Variants in GPD2 observed in about 807,000 individuals in gnomAD.
GPD2 encodes the protein glycerol-3-phosphate dehydrogenase, mitochondrial.
A neutral mutation model predicts 82.4 loss-of-function variants in GPD2; 54 were observed. That is an observed-to-expected ratio of 0.66 (90% CI 0.53 to 0.82). GPD2 has a LOEUF of 0.82. Ranked by LOEUF, GPD2 falls within the 40% of genes least tolerant of loss-of-function variation. GPD2 has a pLI of 0.00. For missense variants in GPD2, 748 were observed against 896.2 expected (o/e 0.83, Z 2.11); for synonymous variants, 288 against 306.1 (o/e 0.94, Z 0.62).
At chr2:156,537,998 A>C (rs1054919043) in intron 6 of GPD2, among the ~76,000 whole-genome samples, 1 of 152,256 alleles carries the variant, frequency 6.6e-6, no homozygotes, top group Non-Finnish European at 1.5e-5. Flanking sequence ...ATATGGCAAT[A>C]GCATCTAGCA....
intron 1 of GPD2, among the ~76,000 whole-genome samples, chr2:156,448,196 C>A (rs143458822): frequency 2.6e-5 from 4 of 152,056 alleles, no homozygotes; most frequent in African/African-American, 9.6e-5. Context: ...GCAACCTCCG[C>A]CTCCCAGGTA....
chr2:156,471,502 AC>A (rs1406993300), intron 1 of GPD2, among the ~76,000 whole-genome samples: 3 of 152,104 alleles, frequency 2.0e-5, no homozygotes, highest in African/African-American at 7.2e-5. Flanking sequence ...CTTTTTAAAC[AC>A]CATTTCTAGC....
chr2:156,425,419 T>G, the GPD2 span, among the ~76,000 whole-genome samples: 6 of 152,198 alleles, frequency 3.9e-5, no homozygotes, highest in African/African-American at 9.6e-5. Flanking sequence ...TTAAAACACA[T>G]GCTTTGTATT....
chr2:156,468,743 G>A (rs1683226701), intron 1 of GPD2, among the ~76,000 whole-genome samples: 1 of 151,512 alleles, frequency 6.6e-6, no homozygotes, highest in Admixed American at 6.6e-5. Context: ...ATATTTTTGG[G>A]TACATGAGAT....
chr2:156,530,561 G>A (rs1573967942), intron 6 of GPD2, among the ~76,000 whole-genome samples: 1 of 150,400 alleles, frequency 6.6e-6, no homozygotes, highest in East Asian at 2.0e-4. Flanking sequence ...GATATTGGCT[G>A]TGGGTTTGTC....
chr2:156,413,140 G>T, the GPD2 span, among the ~76,000 whole-genome samples: 1 of 151,946 alleles, frequency 6.6e-6, no homozygotes, highest in Non-Finnish European at 1.5e-5. Context: ...GTGTTAAGAG[G>T]ACAAGTAATT....
In GPD2 at chr2:156,510,035, C is replaced by T. The variant is rs111768771; in HGVS notation, c.275-761C>T. Among the ~76,000 whole-genome samples the T allele has an allele frequency of 2.6e-5, 4 of 151,954 alleles. 1 individual carries two copies. Among genetic ancestry groups the T allele is most frequent in the East Asian group, 1.9e-4 (1 of 5,148 alleles). On this transcript the variant is annotated intron_variant, in intron 3 of 16. Transcript: ENST00000438166. ...TGACCTCAAGTGATCCACCCGCCTC[C>T]GCCTCTCAAAGTGCTGGGATTACAG...
intron 16 of GPD2, among the ~76,000 whole-genome samples, chr2:156,580,761 T>C (rs916359862): frequency 3.3e-5 from 5 of 152,236 alleles, no homozygotes; most frequent in Admixed American, 6.5e-5. Flanking sequence ...TTGTTGAATC[T>C]AAATGCAGAA....
chr2:156,557,132 C>T (rs1445597347), intron 8 of GPD2, among the ~76,000 whole-genome samples: 1 of 152,106 alleles, frequency 6.6e-6, no homozygotes, highest in East Asian at 1.9e-4. Flanking sequence ...ATTAGCCTTG[C>T]ATTGTTGAAG....
At chr2:156,462,240 G>T (rs1683012112) in intron 1 of GPD2, among the ~76,000 whole-genome samples, 1 of 151,964 alleles carries the variant, frequency 6.6e-6, no homozygotes, top group South Asian at 2.1e-4. Flanking sequence ...CTTTTTCTAA[G>T]GCCTGGACTC....
intron 1 of GPD2, among the ~76,000 whole-genome samples, chr2:156,459,706 A>AAAAG (rs1553465807): frequency 1.3e-4 from 19 of 148,962 alleles, no homozygotes; most frequent in African/African-American, 3.7e-4. Flanking sequence ...AAAAAAAAAA[A>AAAAG]AAAGAAAGAA....
In GPD2 at chr2:156,579,008, AT is replaced by A. The variant is rs753558488; in HGVS notation, c.1880+8del. 6.4e-7 allele frequency: 1 copy of A among 1,567,726 alleles called. No homozygotes were observed. Among genetic ancestry groups the A allele is most frequent in the South Asian group, 1.1e-5 (1 of 90,146 alleles). On this transcript the variant is annotated splice_region_variant and intron_variant, in intron 14 of 16. Transcript: ENST00000438166. ...TGCCTTCAGACATTGACAGGTACTTATAATAAGTGTCTATCTATCTCTCTTT... is the reference window on the plus strand; with the variant it reads ...TGCCTTCAGACATTGACAGGTACTTAAATAAGTGTCTATCTATCTCTCTTT...
the GPD2 span, among the ~76,000 whole-genome samples, chr2:156,415,714 G>A: frequency 6.6e-6 from 1 of 152,038 alleles, no homozygotes; most frequent in Non-Finnish European, 1.5e-5. Flanking sequence ...AATTAGCCGG[G>A]TGTGGTGGCA....
rs542950582 is a variant in GPD2, at chr2:156,493,926, A to ATGTGTGTGTGTGTGTG, written c.103-2100_103-2085dup. 3.5e-3 allele frequency among the ~76,000 whole-genome samples: 471 copies of ATGTGTGTGTGTGTGTG among 136,290 alleles called. 9 individuals are homozygous for ATGTGTGTGTGTGTGTG. Among genetic ancestry groups the ATGTGTGTGTGTGTGTG allele is most frequent in the African/African-American group, 0.011 (417 of 37,148 alleles). 89.4% of individuals were successfully genotyped at this position (136,290 alleles called of 152,430 possible). On this transcript the variant is annotated intron_variant, in intron 2 of 16. Coordinates refer to ENST00000438166, the MANE Select transcript of GPD2 (RefSeq NM_000408.5). ...TTCTATGTACTTGTTATATATATGT[A>ATGTGTGTGTGTGTGTG]TGTGTGTGTGTGTGTGTGTGTGTGT...
the GPD2 span, among the ~76,000 whole-genome samples, chr2:156,401,243 C>A: frequency 2.0e-4 from 31 of 152,282 alleles, no homozygotes; most frequent in Admixed American, 1.0e-3. Flanking sequence ...TTTTCTATTG[C>A]TTACTAGAAG....
intron 1 of GPD2, among the ~76,000 whole-genome samples, chr2:156,458,661 A>G (rs1265081859): frequency 6.6e-6 from 1 of 152,192 alleles, no homozygotes; most frequent in Admixed American, 6.5e-5. Context: ...TTCATTAAAG[A>G]TGAGAAAAAG....
At chr2:156,505,090 C>G (rs1684736390) in intron 3 of GPD2, among the ~76,000 whole-genome samples, 1 of 151,846 alleles carries the variant, frequency 6.6e-6, no homozygotes, top group Admixed American at 6.6e-5. Flanking sequence ...ACCATTTTTC[C>G]TCTTAGATTG....
rs775675652 is a variant in GPD2, at chr2:156,568,849, C to T, written c.1190C>T (p.Ala397Val). 3.7e-6 allele frequency: 6 copies of T among 1,612,486 alleles called. No homozygotes were observed. In the East Asian group the frequency reaches 1.3e-4, roughly 36 times the overall value. ...GTGAGAAGAGGGGATGTCCTGGCAG[C>T]ATGGAGTGGAATCCGTCCTCTTGTT... The part of the protein sequence containing the change: ...VEVRRGDVLA[A>V]WSGIRPLVTD... The change falls in exon 10 of 17, where the codon GCA (alanine) becomes GTA (valine). Residue 397 changes from alanine (A) to valine (V), a missense_variant. By Grantham distance (64) the Ala-to-Val change is moderately conservative. Transcript: ENST00000438166.
Position 156,518,383 on chromosome 2 carries a change from A to T in GPD2, c.661+4887A>T, listed in dbSNP as rs1685274930. Among the ~76,000 whole-genome samples the T allele has an allele frequency of 5.3e-5, 8 of 152,340 alleles. 2 individuals carry two copies. The South Asian group carries it at 1.2e-3, about 24-fold the overall frequency. On this transcript the variant is annotated intron_variant, in intron 6 of 16. Transcript: ENST00000438166. ...ACAATGAATTTCATGTCTCCCAGTC[A>T]CGAGCTGGAGGTGCTTGACTAGGCT...
Sources: allele counts gnomAD v4.1 joint callset (sites outside exome capture counted in the v4.1 genomes callset), GRCh38; gene constraint gnomAD v4.1.1; transcripts MANE v1.5; gene names NCBI Gene and HGNC (gene_info 2026-07-23, HGNC 2026-07-21).